Variants in SHROOM3 observed in about 807,000 individuals in gnomAD.
The protein encoded by SHROOM3 is protein Shroom3.
SHROOM3 carries 47 observed loss-of-function variants against 138.6 expected under a neutral mutation model. That is an observed-to-expected ratio of 0.34 (90% CI 0.27 to 0.43). SHROOM3 has a LOEUF of 0.43. Ranked by LOEUF, SHROOM3 falls within the 20% of genes least tolerant of loss-of-function variation. The pLI, the probability that SHROOM3 is intolerant of heterozygous loss-of-function variation, is 1.00. For synonymous variants in SHROOM3, 1,062 were observed against 1,063.3 expected (o/e 1.00, Z 0.02); for missense variants, 2,491 against 2,596.5 (o/e 0.96, Z 0.88).
In SHROOM3 at chr4:76,778,839, G is replaced by T. The variant is rs993576110; in HGVS notation, c.5653G>T (p.Ala1885Ser). 1 of 1,612,404 alleles carries T rather than the reference G, an allele frequency of 6.2e-7. No individual in the cohort carries two copies. Residue 1885 changes from alanine to serine, a missense_variant, in exon 11 of 11, where the codon GCT (alanine) becomes TCT (serine). Coordinates refer to ENST00000296043, the MANE Select transcript of SHROOM3 (RefSeq NM_020859.4). ...SSLYEKRKIL[A>S]GQHEDARELK... ...TCTTTACGAGAAAAGGAAGATCCTG[G>T]CTGGTCAGCATGAGGATGCCCGGGA...
chr4:76,475,978 G>T (rs545218082), intron 1 of SHROOM3, among the ~76,000 whole-genome samples: 37 of 151,968 alleles, frequency 2.4e-4, no homozygotes, highest in African/African-American at 8.4e-4. Context: ...AAACAATACT[G>T]TTTTTTAAAA....
intron 9 of SHROOM3, among the ~76,000 whole-genome samples, chr4:76,762,571 G>T (rs1469863089): frequency 6.6e-6 from 1 of 152,218 alleles, no homozygotes; most frequent in African/African-American, 2.4e-5. Context: ...TCCACATCCA[G>T]TTAGAATTTC....
At chr4:76,572,708 C>T (rs1280047536) in intron 2 of SHROOM3, among the ~76,000 whole-genome samples, 3 of 152,118 alleles carry the variant, frequency 2.0e-5, no homozygotes, top group East Asian at 1.9e-4. Context: ...TAACAGTGTA[C>T]GGGTTTGCCC....
chr4:76,513,330 G>GTT (rs10656340), intron 1 of SHROOM3, among the ~76,000 whole-genome samples: 43,368 of 148,288 alleles, frequency 0.29, 6,966 homozygotes, highest in African/African-American at 0.42. Flanking sequence ...AAAATAATAT[G>GTT]TTTTTTTTTT....
At position 76,754,633 on chromosome 4, in the gene SHROOM3, G is replaced by A; in HGVS notation, c.4150G>A (p.Ala1384Thr). 6.2e-7 allele frequency: 1 copy of A among 1,614,162 alleles called. No homozygotes were observed. The highest frequency in any genetic ancestry group is 8.5e-7 in the Non-Finnish European group (1 of 1,180,020). Residue 1384 changes from alanine to threonine, a missense_variant, in exon 7 of 11, where the codon GCC becomes ACC. Physicochemically the swap from Ala to Thr is moderately conservative, Grantham distance 58. Around this residue, in one of 4 missense-constraint regions of SHROOM3, gnomAD observed 1,733 missense variants for 1,661.6 expected, o/e 1.04. Coordinates refer to ENST00000296043, the MANE Select transcript of SHROOM3 (RefSeq NM_020859.4). ...GRQPLPPYTPAMMHRSNGHTL... is the reference protein window; with the variant it reads ...GRQPLPPYTPTMMHRSNGHTL... Reference sequence around the variant, plus strand: ...ACAGCCTCTCCCGCCCTACACCCCTGCCATGATGCACAGAAGCAATGGTCA... The same window carrying A: ...ACAGCCTCTCCCGCCCTACACCCCTACCATGATGCACAGAAGCAATGGTCA...
intron 2 of SHROOM3, among the ~76,000 whole-genome samples, chr4:76,590,938 A>G (rs1040473207): frequency 4.6e-5 from 7 of 152,202 alleles, no homozygotes; most frequent in African/African-American, 1.7e-4. Context: ...AATGAACTTC[A>G]GACAAAGACA....
At chr4:76,773,275 G>A (rs532500638) in intron 10 of SHROOM3, among the ~76,000 whole-genome samples, 3 of 151,676 alleles carry the variant, frequency 2.0e-5, no homozygotes, top group South Asian at 4.2e-4. Context: ...TCAGGAGGCT[G>A]AGGCAGGAGA....
At chr4:76,608,826 C>T (rs1161073338) in intron 2 of SHROOM3, among the ~76,000 whole-genome samples, 1 of 152,168 alleles carries the variant, frequency 6.6e-6, no homozygotes, top group African/African-American at 2.4e-5. Flanking sequence ...TACTTCATCT[C>T]TTTGAGAATC....
intron 2 of SHROOM3, among the ~76,000 whole-genome samples, chr4:76,660,080 G>GCACCTCTCTCACC (rs1736151272): frequency 6.6e-6 from 1 of 151,924 alleles, no homozygotes; most frequent in Middle Eastern, 3.2e-3. Context: ...CACCTCACAC[G>GCACCTCTCTCACC]CACCTCTCTC....
intron 1 of SHROOM3, among the ~76,000 whole-genome samples, chr4:76,450,203 C>CT (rs1560509897): frequency 2.6e-5 from 4 of 152,156 alleles, no homozygotes; most frequent in Admixed American, 6.5e-5. Context: ...AATATGCTTT[C>CT]TTTTTTGTCA....
At chr4:76,768,670 CT>C (rs1226679230) in intron 9 of SHROOM3, among the ~76,000 whole-genome samples, 2 of 152,142 alleles carry the variant, frequency 1.3e-5, no homozygotes, top group East Asian at 3.9e-4. Flanking sequence ...ACCATCACGC[CT>C]GGCTAATTTT....
chr4:76,524,977 C>A (rs1471257806), intron 1 of SHROOM3, among the ~76,000 whole-genome samples: 1 of 152,152 alleles, frequency 6.6e-6, no homozygotes, highest in Non-Finnish European at 1.5e-5. Context: ...AGTGCAATTG[C>A]TAGATCATAT....
chr4:76,513,152 T>C (rs2110006288), intron 1 of SHROOM3, among the ~76,000 whole-genome samples: 1 of 152,230 alleles, frequency 6.6e-6, no homozygotes, highest in African/African-American at 2.4e-5. Context: ...GGTCCCTTGG[T>C]GGAACTTTCT....
At chr4:76,441,096 T>TTTGTTTTTTG (rs1363817325) in intron 1 of SHROOM3, among the ~76,000 whole-genome samples, 10 of 134,796 alleles carry the variant, frequency 7.4e-5, no homozygotes, top group African/African-American at 2.7e-4. Flanking sequence ...GTTTTTTTTT[T>TTTGTTTTTTG]TTTTTTTTTT....
intron 2 of SHROOM3, among the ~76,000 whole-genome samples, chr4:76,643,611 A>G (rs1735738562): frequency 6.6e-6 from 1 of 152,174 alleles, no homozygotes; most frequent in Non-Finnish European, 1.5e-5. Context: ...TTAATTGCCT[A>G]CTCACACACA....
At chr4:76,698,359 G>A (rs1397753428) in intron 2 of SHROOM3, among the ~76,000 whole-genome samples, 1 of 152,188 alleles carries the variant, frequency 6.6e-6, no homozygotes, top group Non-Finnish European at 1.5e-5. Flanking sequence ...ACAAGGCAGG[G>A]AGTTCATTTT....
Position 76,592,845 on chromosome 4 carries a change from A to G in SHROOM3, c.323+37082A>G, listed in dbSNP as rs193274784. 6.8e-3 allele frequency among the ~76,000 whole-genome samples: 1,034 copies of G among 152,306 alleles called. 6 individuals carry two copies. Among genetic ancestry groups the G allele is most frequent in the Admixed American group, 0.011 (172 of 15,292 alleles). On this transcript the variant is annotated intron_variant, in intron 2 of 10. Transcript: ENST00000296043. ...AGCAGGATTCGAGGTAGGGAGGAGC[A>G]TATTGCAGATATAATGAAAATAAGG...
rs186967400 is a variant in SHROOM3, at chr4:76,497,135, T to A, written c.169-58474T>A. 6.8e-4 allele frequency among the ~76,000 whole-genome samples: 103 copies of A among 152,358 alleles called. 1 individual carries two copies. Among genetic ancestry groups the A allele is most frequent in the Middle Eastern group, 3.4e-3 (1 of 294 alleles). ...AGCTGTGTGATCTTGGACAAGTCAC[T>A]TCAGCTCTCTGAGCAAAATAACTTC... On this transcript the variant is annotated intron_variant, in intron 1 of 10. Transcript: ENST00000296043.
chr4:76,466,462 G>C (rs1305450967), intron 1 of SHROOM3, among the ~76,000 whole-genome samples: 2 of 152,184 alleles, frequency 1.3e-5, no homozygotes, highest in African/African-American at 4.8e-5. Context: ...AGAAACTGTT[G>C]TATGAACCAA....
Sources: allele counts gnomAD v4.1 joint callset (sites outside exome capture counted in the v4.1 genomes callset), GRCh38; gene constraint gnomAD v4.1.1; regional missense constraint gnomAD v4.1.1; transcripts MANE v1.5; gene names NCBI Gene and HGNC (gene_info 2026-07-23, HGNC 2026-07-21).